CNOT6: variants seen among roughly 807,000 people sequenced by gnomAD.
CNOT6 encodes the protein CCR4-NOT transcription complex subunit 6.
Under a neutral mutation model 61.2 loss-of-function variants are expected in CNOT6, and 12 were observed. The observed-to-expected ratio is 0.20, with a 90% CI of 0.13 to 0.32. The LOEUF (loss-of-function observed/expected upper bound fraction) is 0.32. CNOT6 is among the 10% of genes least tolerant of loss of function. The pLI, the probability that CNOT6 is intolerant of heterozygous loss-of-function variation, is 1.00. For synonymous variants in CNOT6, 225 were observed against 240.6 expected (o/e 0.94, Z 0.60); for missense variants, 405 against 663.9 (o/e 0.61, Z 4.28).
chr5:180,558,380 G>C (rs1760003995), intron 4 of CNOT6, among the ~76,000 whole-genome samples: 1 of 152,154 alleles, frequency 6.6e-6, no homozygotes, highest in Non-Finnish European at 1.5e-5. Flanking sequence ...TGGAGAGTGA[G>C]ACCTTGGGCG....
At chr5:180,500,059 T>G (rs1181668819) in intron 1 of CNOT6, among the ~76,000 whole-genome samples, 1 of 152,168 alleles carries the variant, frequency 6.6e-6, no homozygotes, top group East Asian at 1.9e-4. Context: ...CTCTAATTTG[T>G]GTATCAATCA....
Position 180,569,124 on chromosome 5 carries a change from C to G in CNOT6, c.1042C>G (p.Leu348Val). The G allele has an allele frequency of 6.2e-7, 1 of 1,613,668 alleles. No homozygotes were observed. Among genetic ancestry groups the G allele is most frequent in the Non-Finnish European group, 8.5e-7 (1 of 1,179,676 alleles). The change falls in exon 10 of 12, where the codon CTT (leucine) becomes GTT (valine). Residue 348 changes from leucine to valine, a missense_variant. Leu to Val is a conservative substitution (Grantham distance 32, BLOSUM62 1). Coordinates refer to ENST00000261951, the MANE Select transcript of CNOT6 (RefSeq NM_001370472.1). ...ATCTAATGTAGCCGGAAAGCCACAT[C>G]TTGGAACAGAAAAACAACTTATTCT... ...SIEMPSGKPH[L>V]GTEKQLILVA...
chr5:180,502,697 T>C (rs1299709048), intron 1 of CNOT6, among the ~76,000 whole-genome samples: 3 of 146,722 alleles, frequency 2.0e-5, no homozygotes, highest in African/African-American at 7.4e-5. Context: ...TGAGTGGTTG[T>C]ATATAGTTTT....
chr5:180,521,554 T>C (rs1397718437), intron 1 of CNOT6, among the ~76,000 whole-genome samples: 1 of 152,198 alleles, frequency 6.6e-6, no homozygotes, highest in Non-Finnish European at 1.5e-5. Context: ...AGTAATTACT[T>C]TTTTAAAATA....
intron 1 of CNOT6, among the ~76,000 whole-genome samples, chr5:180,518,009 CCT>C (rs1344833083): frequency 8.4e-5 from 4 of 47,522 alleles, no homozygotes; most frequent in East Asian, 6.7e-4. Context: ...CCCATCTCCC[CCT>C]CTCTCCTCGT....
chr5:180,571,492 C>T (rs1760746135), intron 11 of CNOT6, 60 bp downstream of exon 11: 1 of 1,192,340 alleles, frequency 8.4e-7, no homozygotes, highest in South Asian at 1.3e-5. Flanking sequence ...TGTTCTGATA[C>T]ATCATTATGT....
In CNOT6 at chr5:180,576,827, A is replaced by G. The variant is rs550167064; in HGVS notation, c.*2627A>G. The G allele has an allele frequency of 1.1e-4, 16 of 152,304 alleles. No individual in the cohort carries two copies. The highest frequency in any genetic ancestry group is 3.6e-4 in the African/African-American group (15 of 41,570). The allele number at this position is 152,304 out of a possible 1,614,324, so 9.4% of individuals were successfully genotyped here. ...AAAAACTAGTATGTTTTCACGGTGT[A>G]TATTTTTTTTCAAAAATTCTGTAAC... On this transcript the variant is annotated 3_prime_UTR_variant, in exon 12 of 12. Coordinates refer to ENST00000261951, the MANE Select transcript of CNOT6 (RefSeq NM_001370472.1).
At chr5:180,526,986 C>T (rs1454573080) in intron 1 of CNOT6, among the ~76,000 whole-genome samples, 2 of 151,494 alleles carry the variant, frequency 1.3e-5, no homozygotes, top group East Asian at 3.9e-4. Flanking sequence ...TTCAAGCGAT[C>T]CTCCCACCTC....
intron 6 of CNOT6, among the ~76,000 whole-genome samples, chr5:180,565,463 C>G (rs1760404423): frequency 6.6e-6 from 1 of 152,154 alleles, no homozygotes; most frequent in African/African-American, 2.4e-5. Flanking sequence ...AGGATACTAC[C>G]TATCCAGTTT....
At chr5:180,506,039 CA>C in intron 1 of CNOT6, among the ~76,000 whole-genome samples, 1 of 152,264 alleles carries the variant, frequency 6.6e-6, no homozygotes, top group South Asian at 2.1e-4. Context: ...GGATAATGAA[CA>C]GAAGATCTTG....
At chr5:180,496,299 T>G (rs980885447) in intron 1 of CNOT6, among the ~76,000 whole-genome samples, 7 of 152,178 alleles carry the variant, frequency 4.6e-5, no homozygotes, top group Non-Finnish European at 7.3e-5. Context: ...GTGTTTTGCT[T>G]TAAACAAAAT....
At chr5:180,518,031 T>C (rs1757725680) in intron 1 of CNOT6, among the ~76,000 whole-genome samples, 1 of 152,264 alleles carries the variant, frequency 6.6e-6, no homozygotes, top group African/African-American at 2.4e-5. Context: ...TCTTGATTAC[T>C]ATAGTAGTTT....
intron 1 of CNOT6, among the ~76,000 whole-genome samples, chr5:180,517,418 T>C (rs1757685236): frequency 6.6e-6 from 1 of 152,060 alleles, no homozygotes; most frequent in African/African-American, 2.4e-5. Context: ...CATGAGCCAC[T>C]GTACCCGGCC....
At chr5:180,510,117 G>A (rs937328344) in intron 1 of CNOT6, among the ~76,000 whole-genome samples, 2 of 116,474 alleles carry the variant, frequency 1.7e-5, no homozygotes, top group African/African-American at 6.4e-5. Context: ...CCTAAATGAG[G>A]TTTATCGTCT....
chr5:180,576,968 T>G lies in CNOT6; in HGVS notation c.*2768T>G, dbSNP rs1402810236. On this transcript the variant is annotated 3_prime_UTR_variant, in exon 12 of 12. Transcript: ENST00000261951. ...GTTTTCTGTTTTAAAGACCAGAAGT[T>G]TGAAGGCACCCAAATCCTTGTCGCC... is the stretch of plus-strand genomic sequence containing the variant. 6.6e-6 allele frequency: 1 copy of G among 152,424 alleles called. No homozygotes were observed. The highest frequency in any genetic ancestry group is 1.9e-4 in the East Asian group (1 of 5,200). The allele number at this position is 152,424 out of a possible 1,614,324, so 9.4% of individuals were successfully genotyped here.
intron 2 of CNOT6, among the ~76,000 whole-genome samples, chr5:180,549,369 G>C (rs1252944668): frequency 6.6e-6 from 1 of 152,092 alleles, no homozygotes; most frequent in Non-Finnish European, 1.5e-5. Flanking sequence ...GATAAATTTG[G>C]CCGGGCACAG....
chr5:180,525,171 A>G (rs570377980), intron 1 of CNOT6, among the ~76,000 whole-genome samples: 1 of 152,204 alleles, frequency 6.6e-6, no homozygotes, highest in Non-Finnish European at 1.5e-5. Flanking sequence ...CACCATTTAT[A>G]TTCTTAAGAA....
Position 180,567,218 on chromosome 5 carries a change from G to A in CNOT6, c.848G>A (p.Cys283Tyr). Residue 283 changes from cysteine (C) to tyrosine (Y), a missense_variant, in exon 8 of 12, where the codon TGT (cysteine) becomes TAT (tyrosine). Around this residue, in one of 5 missense-constraint regions of CNOT6, gnomAD observed 24 missense variants for 85.2 expected, o/e 0.28. Coordinates refer to ENST00000261951, the MANE Select transcript of CNOT6 (RefSeq NM_001370472.1). ...SEQERKHVDG[C>Y]AIFFKTEKFT... Reference sequence around the variant, plus strand: ...CAAGAAAGGAAACATGTTGATGGCTGTGCAATATTCTTCAAGACAGAAAAG... The same window carrying A: ...CAAGAAAGGAAACATGTTGATGGCTATGCAATATTCTTCAAGACAGAAAAG... 1 of 1,607,358 alleles carries A rather than the reference G, an allele frequency of 6.2e-7. No individual in the cohort carries two copies. The highest frequency in any genetic ancestry group is 8.5e-7 in the Non-Finnish European group (1 of 1,178,322).
chr5:180,534,346 T>G (rs1177532654), intron 2 of CNOT6: 2 of 182,490 alleles, frequency 1.1e-5, no homozygotes, highest in Non-Finnish European at 2.4e-5. Context: ...TTCTCAACAT[T>G]GTCGATAATG....
Sources: allele counts gnomAD v4.1 joint callset (sites outside exome capture counted in the v4.1 genomes callset), GRCh38; gene constraint gnomAD v4.1.1; regional missense constraint gnomAD v4.1.1; transcripts MANE v1.5; gene names NCBI Gene and HGNC (gene_info 2026-07-23, HGNC 2026-07-21).